The following TNRC6A variants were observed in gnomAD, a reference collection of about 807,000 sequenced individuals.
TNRC6A encodes trinucleotide repeat-containing gene 6A protein.
A neutral mutation model predicts 221.2 loss-of-function variants in TNRC6A; 44 were observed. The observed-to-expected ratio is 0.20, with a 90% CI of 0.16 to 0.26. The LOEUF is 0.26. TNRC6A is among the 10% of genes least tolerant of loss of function. The probability of loss-of-function intolerance (pLI) is 1.00; values close to 1 mark genes in which losing one functional copy is unlikely to be tolerated. For missense variants in TNRC6A, 2,199 were observed against 2,404.4 expected (o/e 0.91, Z 1.79); for synonymous variants, 847 against 838.5 (o/e 1.01, Z -0.18).
chr16:24,737,740 T>C (rs913645989), intron 2 of TNRC6A, among the ~76,000 whole-genome samples: 4 of 152,250 alleles, frequency 2.6e-5, no homozygotes, highest in South Asian at 2.1e-4. Flanking sequence ...GGAGCACTTA[T>C]TGAGCAGTTT....
At chr16:24,636,634 G>T (rs1275957255) in intron 1 of TNRC6A, among the ~76,000 whole-genome samples, 1 of 152,088 alleles carries the variant, frequency 6.6e-6, no homozygotes, top group African/African-American at 2.4e-5. Context: ...TGAGATTACA[G>T]GTAGAGCCAC....
At chr16:24,811,938 A>G (rs1255959594) in intron 18 of TNRC6A, among the ~76,000 whole-genome samples, 1 of 150,748 alleles carries the variant, frequency 6.6e-6, no homozygotes, top group Non-Finnish European at 1.5e-5. Flanking sequence ...TTGTCGTGTA[A>G]TAGAAGGAAC....
intron 4 of TNRC6A, among the ~76,000 whole-genome samples, chr16:24,765,548 A>C (rs896614886): frequency 1.3e-5 from 2 of 152,130 alleles, no homozygotes; most frequent in Non-Finnish European, 2.9e-5. Flanking sequence ...CAGGATTTTA[A>C]ATGTGCTACG....
intron 2 of TNRC6A, among the ~76,000 whole-genome samples, chr16:24,687,958 T>TC (rs1249885392): frequency 0.017 from 2,296 of 137,234 alleles, 28 homozygotes; most frequent in Middle Eastern, 0.051. Flanking sequence ...TCTTTTCTTT[T>TC]TTTTTTTTTT....
intron 2 of TNRC6A, among the ~76,000 whole-genome samples, chr16:24,648,488 T>C (rs111322248): frequency 6.6e-6 from 1 of 151,854 alleles, no homozygotes; most frequent in Non-Finnish European, 1.5e-5. Flanking sequence ...GCCAGGATGG[T>C]CTCGATCTCC....
chr16:24,783,414 C>G (rs2057896401), intron 5 of TNRC6A, among the ~76,000 whole-genome samples: 1 of 152,208 alleles, frequency 6.6e-6, no homozygotes, highest in Non-Finnish European at 1.5e-5. Context: ...CAGGCATGAG[C>G]CACTGCGCCC....
intron 4 of TNRC6A, among the ~76,000 whole-genome samples, chr16:24,774,517 G>A (rs2057679766): frequency 6.6e-6 from 1 of 152,174 alleles, no homozygotes; most frequent in Non-Finnish European, 1.5e-5. Context: ...TAAATAAAAA[G>A]CATCTTCCTG....
intron 2 of TNRC6A, among the ~76,000 whole-genome samples, chr16:24,670,366 T>A (rs1255040657): frequency 6.6e-6 from 1 of 152,080 alleles, no homozygotes; most frequent in African/African-American, 2.4e-5. Flanking sequence ...AAGGTCAGTC[T>A]CACTCCCAGG....
chr16:24,729,661 TG>T lies in TNRC6A; in HGVS notation c.-177del. Reference sequence around the variant, plus strand: ...CCGAGTGGGGCATTCACTTCCGGTCTGGGGCCTGCGGCGGCGGCGGTGTCGG... The same window carrying T: ...CCGAGTGGGGCATTCACTTCCGGTCTGGGCCTGCGGCGGCGGCGGTGTCGG... On this transcript the variant is annotated 5_prime_UTR_variant, in exon 1 of 25. Coordinates refer to ENST00000395799, the MANE Select transcript of TNRC6A (RefSeq NM_014494.4). 3.2e-6 allele frequency: 2 copies of T among 627,320 alleles called. No homozygotes were observed. Among genetic ancestry groups the T allele is most frequent in the Admixed American group, 4.5e-5 (1 of 22,190 alleles). 38.9% of individuals were successfully genotyped at this position (627,320 alleles called of 1,614,324 possible).
chr16:24,763,737 T>G (rs2057412415), intron 4 of TNRC6A, among the ~76,000 whole-genome samples: 1 of 152,194 alleles, frequency 6.6e-6, no homozygotes, highest in Non-Finnish European at 1.5e-5. Flanking sequence ...ACCCCCAGGT[T>G]CCTGTTCCCA....
chr16:24,818,482 GT>G, intron 20 of TNRC6A, 110 bp from the exon 21 acceptor site: 1 of 808,654 alleles, frequency 1.2e-6, no homozygotes, highest in Non-Finnish European at 2.1e-6. Flanking sequence ...GAGTGGACCT[GT>G]TTCCTTTCTT....
rs149940915 is a variant in TNRC6A, at chr16:24,688,970, G to A, written n.402+47961G>A. ...TAACCCAGCATTTTGGGAGGCCGACGCGGGAGGATCTCTTGAGCCCAGGAG... is the reference window on the plus strand; with the variant it reads ...TAACCCAGCATTTTGGGAGGCCGACACGGGAGGATCTCTTGAGCCCAGGAG... On this transcript the variant is annotated intron_variant and non_coding_transcript_variant, in intron 2 of 2. Coordinates refer to the TNRC6A transcript ENST00000566108. Among the ~76,000 whole-genome samples the A allele has an allele frequency of 2.6e-3, 398 of 152,262 alleles. 7 individuals carry two copies. Among genetic ancestry groups the A allele is most frequent in the Non-Finnish European group, 1.4e-3 (98 of 68,026 alleles).
chr16:24,798,214 G>C (rs571351943), intron 11 of TNRC6A: 1 of 311,210 alleles, frequency 3.2e-6, no homozygotes, highest in South Asian at 1.4e-4. Context: ...CAGATTGGAG[G>C]GTATAGTCTT....
At chr16:24,699,634 G>A (rs550644490) in intron 2 of TNRC6A, among the ~76,000 whole-genome samples, 30 of 151,346 alleles carry the variant, frequency 2.0e-4, no homozygotes, top group Non-Finnish European at 3.7e-4. Context: ...TGGGAGAATC[G>A]CCTAAGGTTA....
chr16:24,613,321 C>A (rs1283888763), intron 1 of TNRC6A, among the ~76,000 whole-genome samples: 1 of 151,550 alleles, frequency 6.6e-6, no homozygotes, highest in African/African-American at 2.4e-5. Context: ...TGCTGGTGGA[C>A]CAAACACATT....
At chr16:24,747,181 T>C (rs200529) in intron 2 of TNRC6A, among the ~76,000 whole-genome samples, 102,551 of 152,070 alleles carry the variant, frequency 0.67, 34,942 homozygotes, top group Non-Finnish European at 0.72. Flanking sequence ...ACAGTAAAAT[T>C]CAAACATTGA....
At chr16:24,645,578 T>C (rs1394002643) in intron 2 of TNRC6A, among the ~76,000 whole-genome samples, 2 of 151,752 alleles carry the variant, frequency 1.3e-5, no homozygotes, top group East Asian at 1.9e-4. Flanking sequence ...AGTATTAACA[T>C]GGAATGTAAA....
intron 2 of TNRC6A, chr16:24,641,140 T>G (rs1016339722): frequency 6.6e-6 from 1 of 152,192 alleles, no homozygotes; most frequent in Non-Finnish European, 1.5e-5. Context: ...AAATCAGAAC[T>G]GGGCAAGAGA....
At chr16:24,742,028 G>A (rs1024467000) in intron 2 of TNRC6A, among the ~76,000 whole-genome samples, 1 of 152,118 alleles carries the variant, frequency 6.6e-6, no homozygotes, top group Admixed American at 6.5e-5. Context: ...TAGAGACAGG[G>A]TCTTGCTGTG....
Sources: allele counts gnomAD v4.1 joint callset (sites outside exome capture counted in the v4.1 genomes callset), GRCh38; gene constraint gnomAD v4.1.1; transcripts MANE v1.5; gene names NCBI Gene and HGNC (gene_info 2026-07-23, HGNC 2026-07-21).